Variants in RRM2 observed in about 807,000 individuals in gnomAD.
RRM2 encodes the protein ribonucleoside-diphosphate reductase subunit M2.
Under a neutral mutation model 45.9 loss-of-function variants are expected in RRM2, and 6 were observed. The ratio of observed to expected loss-of-function variants is 0.13; its 90% confidence interval spans 0.07 to 0.26. The LOEUF (loss-of-function observed/expected upper bound fraction) is 0.26. Among genes scored for constraint, RRM2 ranks in the 10% least tolerant of loss-of-function variants. The pLI is 1.00. For synonymous variants in RRM2, 177 were observed against 173.0 expected, an observed-to-expected ratio of 1.02 and a Z score of -0.18; for missense variants, 343 against 489.5, an observed-to-expected ratio of 0.70 and a Z score of 2.82.
chr2:10,206,755 TA>T (rs1664672992), intron 3 of RRM2, among the ~76,000 whole-genome samples: 1 of 152,144 alleles, frequency 6.6e-6, no homozygotes, highest in Non-Finnish European at 1.5e-5. Context: ...AAGAAGATTT[TA>T]AAAGCAGCAA....
intron 3 of RRM2, among the ~76,000 whole-genome samples, chr2:10,146,846 G>A (rs774755442): frequency 2.4e-4 from 37 of 152,322 alleles, no homozygotes; most frequent in Middle Eastern, 3.4e-3. Flanking sequence ...GTTTGGGTGC[G>A]TGTTCATTTC....
intron 3 of RRM2, among the ~76,000 whole-genome samples, chr2:10,180,540 G>C (rs1215020700): frequency 6.6e-6 from 1 of 152,142 alleles, no homozygotes; most frequent in African/African-American, 2.4e-5. Flanking sequence ...CGAGGGCCTT[G>C]GCACTCGTGG....
downstream of RRM2, among the ~76,000 whole-genome samples, chr2:10,132,222 A>T (rs572898328): frequency 5.3e-5 from 8 of 152,308 alleles, no homozygotes; most frequent in East Asian, 7.7e-4. Flanking sequence ...TTGTCAGGTG[A>T]CGTTTTCTAC....
intron 3 of RRM2, among the ~76,000 whole-genome samples, chr2:10,161,633 C>T (rs1469450231): frequency 6.6e-6 from 1 of 151,106 alleles, no homozygotes; most frequent in African/African-American, 2.5e-5. Context: ...CACACATGCT[C>T]ACTCATGCAC....
At chr2:10,124,025 T>C in intron 4 of RRM2, 173 bp downstream of exon 4, 1 of 630,474 alleles carries the variant, frequency 1.6e-6, no homozygotes, top group Non-Finnish European at 2.8e-6. Flanking sequence ...TTTCTTATGG[T>C]ATTTTCCCGA....
intron 3 of RRM2, among the ~76,000 whole-genome samples, chr2:10,173,325 C>A (rs1325972560): frequency 6.6e-6 from 1 of 152,170 alleles, no homozygotes; most frequent in Non-Finnish European, 1.5e-5. Flanking sequence ...TGTCCTTAGT[C>A]CCCTTTCTCC....
chr2:10,166,511 C>T (rs1160480331), intron 3 of RRM2, among the ~76,000 whole-genome samples: 3 of 152,208 alleles, frequency 2.0e-5, no homozygotes, highest in Non-Finnish European at 4.4e-5. Context: ...TGTCTGCGTC[C>T]GTGTCTGGCA....
chr2:10,196,079 C>G (rs1162512264), intron 3 of RRM2, among the ~76,000 whole-genome samples: 1 of 152,108 alleles, frequency 6.6e-6, no homozygotes, highest in Non-Finnish European at 1.5e-5. Flanking sequence ...ATGCTGTGGT[C>G]AGAAGTCCTT....
upstream of RRM2, among the ~76,000 whole-genome samples, chr2:10,137,677 G>A (rs930459973): frequency 1.3e-5 from 2 of 152,250 alleles, no homozygotes; most frequent in Non-Finnish European, 2.9e-5. Context: ...AATGGGGTGA[G>A]TGGGAAGCAG....
At chr2:10,176,396 G>A (rs1470171444) in intron 3 of RRM2, among the ~76,000 whole-genome samples, 1 of 152,106 alleles carries the variant, frequency 6.6e-6, no homozygotes, top group Non-Finnish European at 1.5e-5. Context: ...AGCCTCCCAA[G>A]TCGCTGGGAT....
intron 3 of RRM2, among the ~76,000 whole-genome samples, chr2:10,190,105 T>C (rs1044939513): frequency 6.7e-6 from 1 of 149,294 alleles, no homozygotes; most frequent in Non-Finnish European, 1.5e-5. Context: ...CTGATGATGG[T>C]GGAGATGATA....
chr2:10,199,327 C>T (rs1572533442), intron 3 of RRM2: 2 of 141,898 alleles, frequency 1.4e-5, no homozygotes, highest in East Asian at 2.1e-4. Context: ...AAATTGAAAA[C>T]ATTATTTTGG....
At chr2:10,144,246 A>AGG (rs1663144386) in intron 3 of RRM2, among the ~76,000 whole-genome samples, 1 of 152,200 alleles carries the variant, frequency 6.6e-6, no homozygotes, top group African/African-American at 2.4e-5. Flanking sequence ...AGGTGGCAGC[A>AGG]GGAGCCGGCG....
chr2:10,208,542 G>A (rs1262920712), intron 3 of RRM2, among the ~76,000 whole-genome samples: 1 of 152,178 alleles, frequency 6.6e-6, no homozygotes, highest in Non-Finnish European at 1.5e-5. Context: ...TGGGCAGAAG[G>A]ATTCTGTAAT....
At chr2:10,145,137 A>G (rs923845309) in intron 3 of RRM2, among the ~76,000 whole-genome samples, 3 of 152,082 alleles carry the variant, frequency 2.0e-5, no homozygotes, top group African/African-American at 7.2e-5. Context: ...CCAGGCAGGT[A>G]TGGGAGCTCC....
intron 3 of RRM2, among the ~76,000 whole-genome samples, chr2:10,209,060 T>TC (rs1553330325): frequency 4.6e-4 from 66 of 144,454 alleles, no homozygotes; most frequent in Admixed American, 1.1e-3. Context: ...TTTCTTTCTT[T>TC]TTTTTTTTTT....
In RRM2 at chr2:10,172,918, CAAATCAGCACTCAGG is replaced by C. The variant is rs1251085231; in HGVS notation, n.482+30548_482+30562del. ...CCCCCTGAGTCCCGGGGAACAGTGG[CAAATCAGCACTCAGG>C]AAATATCTGTTGAATGGAAAATCCA... On this transcript the variant is annotated intron_variant and non_coding_transcript_variant, in intron 3 of 3. Coordinates refer to the RRM2 transcript ENST00000381786. The surrounding 1 kb of genome is among the most constrained non-coding windows in gnomAD (Gnocchi z 4.9). Among the ~76,000 whole-genome samples, 14 of 152,228 alleles carry C rather than the reference CAAATCAGCACTCAGG, an allele frequency of 9.2e-5. No individual in the cohort carries two copies. The highest frequency in any genetic ancestry group is 3.1e-4 in the African/African-American group (13 of 41,460).
intron 3 of RRM2, among the ~76,000 whole-genome samples, chr2:10,164,490 G>A (rs1464686154): frequency 6.6e-6 from 1 of 152,212 alleles, no homozygotes; most frequent in Non-Finnish European, 1.5e-5. Context: ...AGCCAGTGAA[G>A]TGGGATGAAT....
intron 3 of RRM2, among the ~76,000 whole-genome samples, chr2:10,153,161 G>A (rs1663351100): frequency 6.6e-6 from 1 of 151,952 alleles, no homozygotes; most frequent in South Asian, 2.1e-4. Flanking sequence ...GTGAAATCCT[G>A]TCTCTACCAA....
Sources: gnomAD v4.1 joint callset for allele counts (sites outside exome capture counted in the v4.1 genomes callset) on GRCh38, gnomAD v4.1.1 for gene constraint, Gnocchi (gnomAD v3.1) non-coding constraint, MANE v1.5 for transcripts, NCBI Gene and HGNC (gene_info 2026-07-23, HGNC 2026-07-21) for gene names.